The following ADGRB3 variants were observed in gnomAD, a reference collection of about 807,000 sequenced individuals.
ADGRB3 encodes brain-specific angiogenesis inhibitor 3.
A neutral mutation model predicts 193.4 loss-of-function variants in ADGRB3; 37 were observed. That is an observed-to-expected ratio of 0.19 (90% CI 0.15 to 0.25). The LOEUF (loss-of-function observed/expected upper bound fraction) is 0.25, where lower values mean the gene tolerates loss of function less well. ADGRB3 is among the 10% of genes least tolerant of loss of function. The pLI, the probability that ADGRB3 is intolerant of heterozygous loss-of-function variation, is 1.00. For synonymous variants in ADGRB3, 690 were observed against 644.2 expected (o/e 1.07, Z -1.08); for missense variants, 1,637 against 1,852.9 (o/e 0.88, Z 2.14).
chr6:68,676,975 C>T (rs1769107081), intron 3 of ADGRB3, among the ~76,000 whole-genome samples: 1 of 152,136 alleles, frequency 6.6e-6, no homozygotes. Flanking sequence ...ACTCAGGAGC[C>T]AGCCATTTCA....
chr6:69,210,148 T>TAATATATATATATATATATATATATA (rs1561953521), intron 17 of ADGRB3, among the ~76,000 whole-genome samples: 4 of 39,066 alleles, frequency 1.0e-4, no homozygotes, highest in Admixed American at 2.2e-4. Flanking sequence ...TTAATATATA[T>TAATATATATATATATATATATATATA]CATATATATA....
intron 3 of ADGRB3, among the ~76,000 whole-genome samples, chr6:68,786,587 T>G (rs1389750727): frequency 6.6e-6 from 1 of 152,222 alleles, no homozygotes; most frequent in Non-Finnish European, 1.5e-5. Flanking sequence ...TCAGGTAGCA[T>G]GATGCCTCCA....
intron 17 of ADGRB3, among the ~76,000 whole-genome samples, chr6:69,173,194 C>T (rs1231936394): frequency 2.0e-5 from 3 of 152,294 alleles, no homozygotes; most frequent in Non-Finnish European, 2.9e-5. Flanking sequence ...TGTACCACCA[C>T]GTCTGGCTAA....
chr6:68,788,366 G>T (rs185522733), intron 3 of ADGRB3, among the ~76,000 whole-genome samples: 3 of 151,906 alleles, frequency 2.0e-5, no homozygotes, highest in Middle Eastern at 3.2e-3. Flanking sequence ...CTTTGTTCTC[G>T]TTGGTTTCAA....
chr6:69,118,093 T>A (rs1184852476), intron 17 of ADGRB3, among the ~76,000 whole-genome samples: 1 of 152,120 alleles, frequency 6.6e-6, no homozygotes, highest in African/African-American at 2.4e-5. Context: ...GCTTCTGGAG[T>A]CTAGGTATGG....
At chr6:69,266,927 G>C (rs548022458) in intron 20 of ADGRB3, among the ~76,000 whole-genome samples, 2 of 152,192 alleles carry the variant, frequency 1.3e-5, no homozygotes, top group African/African-American at 4.8e-5. Context: ...GGTGATACCA[G>C]TCTAAGGTTG....
At chr6:68,864,427 TG>T (rs1408803956) in intron 3 of ADGRB3, among the ~76,000 whole-genome samples, 5 of 152,178 alleles carry the variant, frequency 3.3e-5, no homozygotes, top group Non-Finnish European at 5.9e-5. Context: ...GGAGGAAAAG[TG>T]TGCCATTTTC....
Position 68,942,856 on chromosome 6 carries a change from C to T in ADGRB3, c.1031-974C>T, listed in dbSNP as rs571896744. Among the ~76,000 whole-genome samples the T allele has an allele frequency of 3.9e-5, 6 of 152,242 alleles. No homozygotes were observed. The East Asian group carries it at 1.2e-3, about 29-fold the overall frequency. ...GAACTCCTGACCTCAGGTGATCTGC[C>T]CATCTTGGCCTCTGAAAGCACTGGG... On this transcript the variant is annotated intron_variant, in intron 5 of 31. Transcript: ENST00000370598.
At chr6:68,893,856 T>C (rs1366179300) in intron 3 of ADGRB3, among the ~76,000 whole-genome samples, 1 of 151,978 alleles carries the variant, frequency 6.6e-6, no homozygotes, top group Middle Eastern at 3.2e-3. Context: ...CCTAACTTTA[T>C]TCAAATACTG....
chr6:68,798,501 G>A (rs1767252948), intron 3 of ADGRB3, among the ~76,000 whole-genome samples: 1 of 151,166 alleles, frequency 6.6e-6, no homozygotes, highest in Non-Finnish European at 1.5e-5. Flanking sequence ...CATGGACACA[G>A]GGAGGGGAAC....
intron 3 of ADGRB3, among the ~76,000 whole-genome samples, chr6:68,792,030 A>C (rs1767117448): frequency 6.6e-6 from 1 of 152,186 alleles, no homozygotes; most frequent in Admixed American, 6.6e-5. Context: ...ATCTTTGTTA[A>C]GAAAAAAATT....
chr6:69,205,334 GC>G (rs1369129676), intron 17 of ADGRB3, among the ~76,000 whole-genome samples: 1 of 151,822 alleles, frequency 6.6e-6, no homozygotes, highest in African/African-American at 2.4e-5. Flanking sequence ...AGTTATACTG[GC>G]CCTATGAATT....
intron 3 of ADGRB3, among the ~76,000 whole-genome samples, chr6:68,825,459 T>A (rs1767825237): frequency 6.7e-6 from 1 of 148,334 alleles, no homozygotes; most frequent in African/African-American, 2.4e-5. Context: ...CATATATGCA[T>A]ATGTGTCATG....
At chr6:68,899,546 G>GT (rs1167290122) in intron 3 of ADGRB3, among the ~76,000 whole-genome samples, 2 of 149,264 alleles carry the variant, frequency 1.3e-5, no homozygotes, top group African/African-American at 4.9e-5. Context: ...GTGGTGTTTG[G>GT]TTTTTTGTTC....
intron 17 of ADGRB3, among the ~76,000 whole-genome samples, chr6:69,127,691 A>G (rs1193092365): frequency 6.6e-6 from 1 of 152,162 alleles, no homozygotes; most frequent in East Asian, 1.9e-4. Flanking sequence ...TTGCACCACA[A>G]AAATCCAGGT....
At chr6:69,236,976 T>C (rs1236552789) in intron 19 of ADGRB3, among the ~76,000 whole-genome samples, 1 of 151,992 alleles carries the variant, frequency 6.6e-6, no homozygotes, top group Non-Finnish European at 1.5e-5. Context: ...TCTCTACAAA[T>C]AGAATTGAAA....
At chr6:68,950,113 T>A (rs1767876207) in intron 6 of ADGRB3, among the ~76,000 whole-genome samples, 1 of 152,082 alleles carries the variant, frequency 6.6e-6, no homozygotes, top group South Asian at 2.1e-4. Flanking sequence ...TGGAGTGCAG[T>A]GGCATGATTT....
intron 3 of ADGRB3, among the ~76,000 whole-genome samples, chr6:68,850,689 G>A (rs1042201576): frequency 2.6e-5 from 4 of 151,900 alleles, no homozygotes; most frequent in Non-Finnish European, 5.9e-5. Context: ...ATGAATTATT[G>A]TTATGCTGTA....
intron 3 of ADGRB3, among the ~76,000 whole-genome samples, chr6:68,900,093 G>A (rs1291473609): frequency 6.6e-6 from 1 of 151,984 alleles, no homozygotes; most frequent in Non-Finnish European, 1.5e-5. Context: ...GCAGTTAAAT[G>A]TATTGACTAT....
Sources: gnomAD v4.1 joint callset for allele counts (sites outside exome capture counted in the v4.1 genomes callset) on GRCh38, gnomAD v4.1.1 for gene constraint, MANE v1.5 for transcripts, NCBI Gene and HGNC (gene_info 2026-07-23, HGNC 2026-07-21) for gene names.